CAMK4: variants seen among roughly 807,000 people sequenced by gnomAD.
The protein encoded by CAMK4 is calcium/calmodulin-dependent protein kinase type IV.
In CAMK4, 22 loss-of-function variants were observed where a neutral mutation model predicts 44.9. That is an observed-to-expected ratio of 0.49 (90% CI 0.35 to 0.70). CAMK4 has a LOEUF of 0.70. CAMK4 is among the 30% of genes least tolerant of loss of function. The probability of loss-of-function intolerance (pLI) is 0.01; values close to 1 mark genes in which losing one functional copy is unlikely to be tolerated. For synonymous variants in CAMK4, 218 were observed against 215.4 expected (o/e 1.01, Z -0.11); for missense variants, 498 against 586.8 (o/e 0.85, Z 1.56).
chr5:111,273,760 CACACACACAT>C (rs1423359455), intron 1 of CAMK4, among the ~76,000 whole-genome samples: 1 of 141,670 alleles, frequency 7.1e-6, no homozygotes, highest in African/African-American at 2.5e-5. Flanking sequence ...CACACACATA[CACACACACAT>C]ATATACACAC....
chr5:111,418,758 C>A lies in CAMK4; in HGVS notation c.459+23976C>A, dbSNP rs183992983. 6.0e-3 allele frequency among the ~76,000 whole-genome samples: 916 copies of A among 152,242 alleles called. 9 individuals carry two copies. Among genetic ancestry groups the A allele is most frequent in the African/African-American group, 0.02 (848 of 41,534 alleles). On this transcript the variant is annotated intron_variant, in intron 5 of 10. Coordinates refer to ENST00000282356, the MANE Select transcript of CAMK4 (RefSeq NM_001744.6). The stretch of plus-strand genomic sequence containing the variant: ...GTTTCCAGTTTCATCCATGTCCCTA[C>A]AAAGGACATGAAGTCTTCATTTTTT...
chr5:111,263,051 G>A (rs1750057846), intron 1 of CAMK4, among the ~76,000 whole-genome samples: 1 of 152,218 alleles, frequency 6.6e-6, no homozygotes. Flanking sequence ...TACTAAGCCA[G>A]AGGGCAGATA....
intron 1 of CAMK4, among the ~76,000 whole-genome samples, chr5:111,312,588 C>G (rs755818031): frequency 2.0e-5 from 3 of 152,084 alleles, no homozygotes; most frequent in Non-Finnish European, 4.4e-5. Context: ...TGACTTCTTT[C>G]TTATGGAATA....
chr5:111,449,413 T>C (rs1432184189), intron 7 of CAMK4, among the ~76,000 whole-genome samples: 4 of 152,216 alleles, frequency 2.6e-5, no homozygotes, highest in Non-Finnish European at 5.9e-5. Flanking sequence ...AGGGCACTGC[T>C]GTTAGAATGC....
chr5:111,401,695 T>C (rs985728902), intron 5 of CAMK4, among the ~76,000 whole-genome samples: 1 of 152,170 alleles, frequency 6.6e-6, no homozygotes, highest in African/African-American at 2.4e-5. Context: ...GACTAGATAC[T>C]CAAAAACGGA....
intron 4 of CAMK4, among the ~76,000 whole-genome samples, chr5:111,388,744 A>T (rs1043348101): frequency 2.0e-5 from 3 of 152,346 alleles, no homozygotes; most frequent in East Asian, 3.9e-4. Context: ...TGGCCAGCAC[A>T]TAACAGTCTC....
chr5:111,294,517 A>C (rs1747406940), intron 1 of CAMK4, among the ~76,000 whole-genome samples: 3 of 152,140 alleles, frequency 2.0e-5, no homozygotes, highest in Admixed American at 1.3e-4. Flanking sequence ...TATTCTCTTA[A>C]ATTTTTACCC....
At chr5:111,254,860 T>C (rs149076606) in intron 1 of CAMK4, among the ~76,000 whole-genome samples, 121 of 152,262 alleles carry the variant, frequency 7.9e-4, no homozygotes, top group African/African-American at 2.8e-3. Flanking sequence ...GTTCTCGGGA[T>C]TTCCCTGGGG....
intron 5 of CAMK4, among the ~76,000 whole-genome samples, chr5:111,414,496 G>A (rs192104320): frequency 3.3e-5 from 5 of 152,028 alleles, no homozygotes; most frequent in East Asian, 1.9e-4. Flanking sequence ...TCAAAGATAC[G>A]GCAAAAATGA....
intron 2 of CAMK4, among the ~76,000 whole-genome samples, chr5:111,354,175 T>G (rs1580639377): frequency 6.6e-6 from 1 of 152,064 alleles, no homozygotes; most frequent in Non-Finnish European, 1.5e-5. Flanking sequence ...AAGTGAAATA[T>G]GCTGGACACA....
rs1299228079 is a variant in CAMK4 at position 111,493,485 on chromosome 5, A to AT, written c.*9025dup. The stretch of plus-strand genomic sequence containing the variant: ...CCGAATCAAGGTTATTGCTGACCTC[A>AT]TTTTTTCAACCTTTTCAGTTATTTG... On this transcript the variant is annotated 3_prime_UTR_variant, in exon 11 of 11. Transcript: ENST00000282356. The surrounding 1 kb of genome is among the most constrained non-coding windows in gnomAD (Gnocchi z 4.1). 1 of 152,094 alleles carries AT rather than the reference A, an allele frequency of 6.6e-6. No individual in the cohort carries two copies. The highest frequency in any genetic ancestry group is 2.4e-5 in the African/African-American group (1 of 41,416). 9.4% of individuals were successfully genotyped at this position (152,094 alleles called of 1,614,324 possible). A position where few individuals can be genotyped will look rare whatever the true frequency, so the allele number is the denominator to read the frequency against.
chr5:111,388,278 G>T (rs1478340826), intron 4 of CAMK4, among the ~76,000 whole-genome samples: 1 of 152,102 alleles, frequency 6.6e-6, no homozygotes, highest in African/African-American at 2.4e-5. Flanking sequence ...AAATCCCTTG[G>T]TTGTACAAAC....
intron 1 of CAMK4, among the ~76,000 whole-genome samples, chr5:111,325,957 C>G (rs1457138041): frequency 3.3e-5 from 5 of 151,896 alleles, no homozygotes; most frequent in Non-Finnish European, 5.9e-5. Context: ...TGGGATACAG[C>G]TAAAGTAGTG....
intron 5 of CAMK4, among the ~76,000 whole-genome samples, chr5:111,433,171 TATATTC>T (rs1753522780): frequency 1.3e-5 from 2 of 152,200 alleles, no homozygotes; most frequent in South Asian, 4.1e-4. Context: ...ACCACTGTCT[TATATTC>T]ATATATTCTT....
rs565332997 is a variant in CAMK4, at chr5:111,473,677, G to A, written c.701+291G>A. ...ATTACTTGACACTAGTAAAGAATAT[G>A]AGCCCAAGACCAGCTGTGTAAACTT... is the stretch of plus-strand genomic sequence containing the variant. On this transcript the variant is annotated intron_variant, in intron 8 of 10. Transcript: ENST00000282356. 7.2e-5 allele frequency among the ~76,000 whole-genome samples: 11 copies of A among 152,300 alleles called. No individual in the cohort carries two copies. The South Asian group carries it at 1.2e-3, about 17-fold the overall frequency.
intron 5 of CAMK4, among the ~76,000 whole-genome samples, chr5:111,426,838 C>T (rs1753244915): frequency 6.6e-6 from 1 of 152,186 alleles, no homozygotes; most frequent in African/African-American, 2.4e-5. Context: ...TTGTGGATCC[C>T]AGTGGTCTGA....
Position 111,482,351 on chromosome 5 carries a change from G to A in CAMK4, c.829-434G>A, listed in dbSNP as rs1184595961. ...TAAGTTCTGGGATACTCTCCCTTTTGTTTGCCATTTAATCCCCACAGAAAG... is the reference window on the plus strand; with the variant it reads ...TAAGTTCTGGGATACTCTCCCTTTTATTTGCCATTTAATCCCCACAGAAAG... On this transcript the variant is annotated intron_variant, in intron 9 of 10. Transcript: ENST00000282356. This position sits in a 1 kb window ranked among gnomAD's most constrained non-coding sequence, Gnocchi z 4.9. 2.6e-5 allele frequency: 4 copies of A among 153,188 alleles called. No homozygotes were observed. Among genetic ancestry groups the A allele is most frequent in the Non-Finnish European group, 5.8e-5 (4 of 68,804 alleles). 9.5% of individuals were successfully genotyped at this position (153,188 alleles called of 1,614,324 possible). A position where few individuals can be genotyped will look rare whatever the true frequency, so the allele number is the denominator to read the frequency against.
chr5:111,360,277 A>G (rs756727803), intron 2 of CAMK4, among the ~76,000 whole-genome samples: 24 of 152,162 alleles, frequency 1.6e-4, no homozygotes, highest in African/African-American at 3.6e-4. Flanking sequence ...TTACCCTGTT[A>G]TTTCCCACTG....
intron 1 of CAMK4, among the ~76,000 whole-genome samples, chr5:111,285,768 A>G (rs1326108012): frequency 6.6e-6 from 1 of 152,210 alleles, no homozygotes; most frequent in Non-Finnish European, 1.5e-5. Flanking sequence ...TGATAAAATT[A>G]GTGTTTTTTA....
Sources: gnomAD v4.1 joint callset for allele counts (sites outside exome capture counted in the v4.1 genomes callset) on GRCh38, gnomAD v4.1.1 for gene constraint, Gnocchi (gnomAD v3.1) non-coding constraint, MANE v1.5 for transcripts, NCBI Gene and HGNC (gene_info 2026-07-23, HGNC 2026-07-21) for gene names.